Variants in RNF10 observed in about 807,000 individuals in gnomAD.
RNF10 encodes E3 ubiquitin-protein ligase RNF10.
RNF10 carries 38 observed loss-of-function variants against 91.4 expected under a neutral mutation model. The observed-to-expected ratio is 0.42, with a 90% CI of 0.32 to 0.54. RNF10 has a LOEUF of 0.54. Ranked by LOEUF, RNF10 falls within the 20% of genes least tolerant of loss-of-function variation. The pLI is 0.16. For synonymous variants in RNF10, 364 were observed against 366.3 expected (o/e 0.99, Z 0.07); for missense variants, 945 against 1,012.0 (o/e 0.93, Z 0.90).
intron 4 of RNF10, 129 bp from the exon 5 acceptor site, chr12:120,557,153 T>G: frequency 2.6e-6 from 2 of 756,316 alleles, no homozygotes; most frequent in South Asian, 1.8e-5. Flanking sequence ...TAGAAAGATA[T>G]GTTGAGTATA....
chr12:120,551,503 T>A (rs1482408731), intron 2 of RNF10, among the ~76,000 whole-genome samples: 1 of 151,572 alleles, frequency 6.6e-6, no homozygotes, highest in Non-Finnish European at 1.5e-5. Flanking sequence ...TTCACCATAT[T>A]GCCCAGGCTG....
chr12:120,575,867 CCA>C lies in RNF10; in HGVS notation c.2277_2278del (p.Ser760PhefsTer10), dbSNP rs1877322048. ...GATAATTCAGACCGTGTTCCTGTGC[CCA>C]GTTTTCAAAATTCCTTCAGCCAAGC... On this transcript the variant is annotated frameshift_variant, in exon 16 of 17. Transcript: ENST00000325954. LOFTEE classifies it high-confidence loss of function. The C allele has an allele frequency of 6.2e-7, 1 of 1,614,038 alleles. No homozygotes were observed. The highest frequency in any genetic ancestry group is 1.3e-5 in the African/African-American group (1 of 74,920).
At chr12:120,568,711 A>T (rs1294308602) in intron 13 of RNF10, among the ~76,000 whole-genome samples, 2 of 151,402 alleles carry the variant, frequency 1.3e-5, no homozygotes, top group Non-Finnish European at 3.0e-5. Flanking sequence ...CCTGGCCTCA[A>T]GTGTTCTGTC....
intron 4 of RNF10, among the ~76,000 whole-genome samples, chr12:120,555,054 A>G (rs1873763442): frequency 6.6e-6 from 1 of 152,044 alleles, no homozygotes; most frequent in Non-Finnish European, 1.5e-5. Flanking sequence ...GGAAGTAGTA[A>G]CCCCTTACCC....
intron 13 of RNF10, among the ~76,000 whole-genome samples, chr12:120,569,455 C>G (rs894347748): frequency 2.0e-5 from 3 of 151,758 alleles, no homozygotes; most frequent in African/African-American, 7.3e-5. Context: ...GACTGCACTA[C>G]TGTGACGCTC....
chr12:120,559,673 G>T (rs1006506431), intron 6 of RNF10, among the ~76,000 whole-genome samples: 1 of 151,170 alleles, frequency 6.6e-6, no homozygotes, highest in Non-Finnish European at 1.5e-5. Flanking sequence ...GTGAGCCACC[G>T]TACTCCGCCT....
intron 2 of RNF10, among the ~76,000 whole-genome samples, chr12:120,548,771 G>C (rs913182074): frequency 2.0e-5 from 3 of 150,292 alleles, no homozygotes; most frequent in African/African-American, 7.3e-5. Context: ...CCATTCTCCT[G>C]CCTCAGTCTC....
Position 120,546,380 on chromosome 12 carries a change from G to A in RNF10, c.158-25G>A, listed in dbSNP as rs181807216. 1.4e-5 allele frequency: 22 copies of A among 1,597,352 alleles called. No individual in the cohort carries two copies. The East Asian group carries it at 4.5e-4, about 32-fold the overall frequency. On this transcript the variant is annotated intron_variant, in intron 1 of 16. Coordinates refer to ENST00000325954, the MANE Select transcript of RNF10 (RefSeq NM_014868.5). Reference sequence around the variant, plus strand: ...AGTGAATGTATCAGCTTCTTAAGACGTTCTTTTGTGTTTCTTGCTTTCAGA... The same window carrying A: ...AGTGAATGTATCAGCTTCTTAAGACATTCTTTTGTGTTTCTTGCTTTCAGA...
chr12:120,549,612 C>G (rs1318247568), intron 2 of RNF10, among the ~76,000 whole-genome samples: 1 of 152,090 alleles, frequency 6.6e-6, no homozygotes, highest in Non-Finnish European at 1.5e-5. Context: ...TGGCAAAACT[C>G]TGTCTCTACT....
intron 3 of RNF10, among the ~76,000 whole-genome samples, chr12:120,553,487 C>T (rs1475361809): frequency 2.7e-5 from 4 of 150,654 alleles, no homozygotes; most frequent in Non-Finnish European, 5.9e-5. Flanking sequence ...GCTGCAAGCT[C>T]CACCTCCCGG....
At chr12:120,554,583 C>G in intron 3 of RNF10, 135 bp from the exon 4 acceptor site, 1 of 680,294 alleles carries the variant, frequency 1.5e-6, no homozygotes, top group South Asian at 1.7e-5. Flanking sequence ...AGGCTGAGGT[C>G]CTAGTGCAGT....
chr12:120,571,369 A>G (rs548754713), intron 14 of RNF10, 78 bp downstream of exon 14: 2 of 1,039,158 alleles, frequency 1.9e-6, no homozygotes, highest in East Asian at 2.4e-5. Flanking sequence ...AACCTCCTCC[A>G]GGGATTGTTA....
chr12:120,563,206 C>T, intron 8 of RNF10, 136 bp downstream of exon 8: 1 of 1,487,608 alleles, frequency 6.7e-7, no homozygotes, highest in Admixed American at 1.7e-5. Flanking sequence ...GTTATTAGTT[C>T]TTTCCCCAGG....
At chr12:120,576,001 A>ACTGC in intron 16 of RNF10, 51 bp downstream of exon 16, 1 of 1,585,912 alleles carries the variant, frequency 6.3e-7, no homozygotes, top group Non-Finnish European at 8.6e-7. Context: ...CTACACATGT[A>ACTGC]CTGCCATTCC....
chr12:120,565,383 C>T (rs1875541909), intron 11 of RNF10, 45 bp from the exon 12 acceptor site: 2 of 1,559,048 alleles, frequency 1.3e-6, no homozygotes, highest in African/African-American at 1.4e-5. Flanking sequence ...AGGTAATGAC[C>T]ATGTTGTCCT....
At chr12:120,570,692 A>G (rs191476230) in intron 13 of RNF10, among the ~76,000 whole-genome samples, 19 of 152,250 alleles carry the variant, frequency 1.2e-4, no homozygotes, top group Admixed American at 1.2e-3. Flanking sequence ...CCTAGGGAGT[A>G]TTGGGGAAAA....
intron 2 of RNF10, 121 bp downstream of exon 2, chr12:120,546,722 C>A: frequency 2.3e-6 from 2 of 855,746 alleles, no homozygotes; most frequent in Non-Finnish European, 3.5e-6. Context: ...ATAATCAAAG[C>A]AGTCTTGAGT....
chr12:120,557,082 T>C, intron 4 of RNF10, among the ~76,000 whole-genome samples, 200 bp from the exon 5 acceptor site: 1 of 98,196 alleles, frequency 1.0e-5, no homozygotes, highest in African/African-American at 4.0e-5. Flanking sequence ...AGATGGACCG[T>C]CTCAAAAAAA....
intron 1 of RNF10, among the ~76,000 whole-genome samples, chr12:120,539,629 G>A (rs549269971): frequency 6.6e-6 from 1 of 152,262 alleles, no homozygotes; most frequent in South Asian, 2.1e-4. Context: ...TGGTAATGGG[G>A]GGAGGCTGAG....
Sources: gnomAD v4.1 joint callset for allele counts (sites outside exome capture counted in the v4.1 genomes callset) on GRCh38, gnomAD v4.1.1 for gene constraint, MANE v1.5 for transcripts, NCBI Gene and HGNC (gene_info 2026-07-23, HGNC 2026-07-21) for gene names.